Variants in GLB1L2 observed in about 807,000 individuals in gnomAD.
GLB1L2 encodes the protein galactosidase beta 1 like 2, also known as beta-galactosidase-1-like protein 2.
In GLB1L2, 68 loss-of-function variants were observed where a neutral mutation model predicts 84.1. The observed-to-expected ratio is 0.81, with a 90% confidence interval of 0.67 to 0.99. GLB1L2 has a LOEUF of 0.99. Ranked by LOEUF, GLB1L2 falls within the 50% of genes least tolerant of loss-of-function variation. The pLI, the probability that GLB1L2 is intolerant of heterozygous loss-of-function variation, is 0.00. For synonymous variants in GLB1L2, 290 were observed against 318.0 expected (o/e 0.91, Z 0.94); for missense variants, 762 against 805.6 (o/e 0.95, Z 0.66).
At chr11:134,372,031 G>A (rs912887871) in intron 15 of GLB1L2, among the ~76,000 whole-genome samples, 1 of 152,206 alleles carries the variant, frequency 6.6e-6, no homozygotes, top group Non-Finnish European at 1.5e-5. Context: ...AGCACTGCAC[G>A]CGTGCATCGT....
intron 15 of GLB1L2, chr11:134,372,468 T>G (rs1397119009): frequency 3.3e-5 from 5 of 152,114 alleles, no homozygotes; most frequent in African/African-American, 1.2e-4. Flanking sequence ...CACTGCATGC[T>G]CCACCTCCCG....
At chr11:134,367,472 GC>G in intron 9 of GLB1L2, 131 bp downstream of exon 9, 1 of 694,626 alleles carries the variant, frequency 1.4e-6, no homozygotes, top group Non-Finnish European at 2.4e-6. Context: ...GCAGAAGTTG[GC>G]TTTGGATATT....
chr11:134,336,776 A>G (rs1943393963), intron 1 of GLB1L2, among the ~76,000 whole-genome samples: 1 of 152,144 alleles, frequency 6.6e-6, no homozygotes, highest in South Asian at 2.1e-4. Context: ...TTAACATAAT[A>G]ATGTTTTTCC....
In GLB1L2 at chr11:134,344,905, G is replaced by A. The variant is rs367573039; in HGVS notation, c.354-129G>A. ...ACCGACCTGGTGTGGGAGTCCCCGC[G>A]CTTTGGGGGTGGGGCCGAGCCGTCC... On this transcript the variant is annotated intron_variant, in intron 3 of 18. Coordinates refer to ENST00000535456, the MANE Select transcript of GLB1L2 (RefSeq NM_001370461.1). 1,065 of 1,105,962 alleles carry A rather than the reference G, an allele frequency of 9.6e-4. 1 individual carries two copies. The highest frequency in any genetic ancestry group is 8.8e-3 in the East Asian group (332 of 37,778). The allele number at this position is 1,105,962 out of a possible 1,614,324, so 68.5% of individuals were successfully genotyped here.
At chr11:134,364,518 T>A in intron 8 of GLB1L2, 120 bp downstream of exon 8, 3 of 765,486 alleles carry the variant, frequency 3.9e-6, no homozygotes, top group Non-Finnish European at 6.5e-6. Context: ...GCTGATGGCC[T>A]CTGGCCCCCC....
intron 1 of GLB1L2, among the ~76,000 whole-genome samples, chr11:134,332,878 C>A (rs1943324392): frequency 6.6e-6 from 1 of 152,194 alleles, no homozygotes; most frequent in South Asian, 2.1e-4. Flanking sequence ...CTAAACTGTG[C>A]TTATTTTAAG....
Position 134,371,796 on chromosome 11 carries a change from C to T in GLB1L2, c.1473C>T (p.Val491=), listed in dbSNP as rs761610146. 4.3e-6 allele frequency: 7 copies of T among 1,614,088 alleles called. No homozygotes were observed. In the South Asian group the frequency reaches 7.7e-5, roughly 18 times the overall value. Residue 491 remains valine, a synonymous_variant, in exon 15 of 19, where the codon GTC becomes GTT. Coordinates refer to ENST00000535456, the MANE Select transcript of GLB1L2 (RefSeq NM_001370461.1). ...LRILVENRGR[V]NYGENIDDQR... is the part of the protein sequence containing the mutation. ...TCTTGGTGGAGAATCGTGGGCGAGT[C>T]AACTATGGGGAGAATATTGATGACC... is the stretch of plus-strand genomic sequence containing the variant.
Position 134,334,035 on chromosome 11 carries a change from C to G in GLB1L2, c.86+1888C>G, listed in dbSNP as rs988688465. ...CCTCCTGTCTGACTTGGGCTGGACA[C>G]CAGTGAGTATGAGTTGCTGTAATAT... On this transcript the variant is annotated intron_variant, in intron 1 of 18. Coordinates refer to ENST00000535456, the MANE Select transcript of GLB1L2 (RefSeq NM_001370461.1). This position sits in a 1 kb window ranked among gnomAD's most constrained non-coding sequence, Gnocchi z 4.1. Among the ~76,000 whole-genome samples the G allele has an allele frequency of 3.3e-5, 5 of 152,136 alleles. No homozygotes were observed. Among genetic ancestry groups the G allele is most frequent in the African/African-American group, 1.2e-4 (5 of 41,420 alleles).
At chr11:134,349,958 C>A (rs1241825053) in intron 5 of GLB1L2, among the ~76,000 whole-genome samples, 1 of 152,142 alleles carries the variant, frequency 6.6e-6, no homozygotes, top group Admixed American at 6.5e-5. Flanking sequence ...TCTGCCGGCG[C>A]CCTTTCCTAC....
In GLB1L2 at chr11:134,374,630, A is replaced by G. The variant is rs371809151; in HGVS notation, c.1736A>G (p.Asn579Ser). The G allele has an allele frequency of 5.2e-5, 84 of 1,614,034 alleles. No homozygotes were observed. Among genetic ancestry groups the G allele is most frequent in the South Asian group, 7.7e-5 (7 of 91,082 alleles). Reference sequence around the variant, plus strand: ...TGGGAGAAGGGGGTTGTATTCATCAATGGCCAGAACCTTGGACGTTACTGG... The same window carrying G: ...TGGGAGAAGGGGGTTGTATTCATCAGTGGCCAGAACCTTGGACGTTACTGG... ...EGWEKGVVFI[N>S]GQNLGRYWNI... The change falls in exon 18 of 19, where the codon AAT (asparagine) becomes AGT (serine). Residue 579 changes from asparagine (N) to serine (S), a missense_variant. Asn to Ser is a conservative substitution (Grantham distance 46). This residue lies in a region of GLB1L2 where 603 missense variants were observed against 611.7 expected (regional missense o/e 0.99). Transcript: ENST00000535456.
intron 1 of GLB1L2, 78 bp from the exon 2 acceptor site, chr11:134,342,676 G>A: frequency 1.4e-6 from 2 of 1,395,440 alleles, no homozygotes; most frequent in Non-Finnish European, 2.0e-6. Flanking sequence ...GAAATGCCGA[G>A]GACCTGCGAA....
In GLB1L2 at chr11:134,369,812, T is replaced by C. The variant is rs964811156; in HGVS notation, c.1035T>C (p.Asp345=). 6.2e-7 allele frequency: 1 copy of C among 1,612,990 alleles called. No individual in the cohort carries two copies. The highest frequency in any genetic ancestry group is 8.5e-7 in the Non-Finnish European group (1 of 1,179,022). Residue 345 remains aspartate (D), a synonymous_variant, in exon 11 of 19, where the codon GAT becomes GAC. Coordinates refer to ENST00000535456, the MANE Select transcript of GLB1L2 (RefSeq NM_001370461.1). ...GGGCCCGGTGTCTTGCAGACTATGA[T>C]GCTGTGCTGACAGAAGCCGGCGATT... The part of the protein sequence containing the change: ...YKSDVTSYDY[D]AVLTEAGDYT...
At chr11:134,368,914 T>C in intron 10 of GLB1L2, 133 bp downstream of exon 10, 1 of 908,406 alleles carries the variant, frequency 1.1e-6, no homozygotes, top group Non-Finnish European at 1.7e-6. Flanking sequence ...GAGAAGGTAC[T>C]TGCCTGGACA....
Position 134,356,413 on chromosome 11 carries a change from G to A in GLB1L2, c.651+20G>A, listed in dbSNP as rs777248280. On this transcript the variant is annotated intron_variant, in intron 6 of 18. Transcript: ENST00000535456. ...AAGAAGGTAAGAATCCTCTTAGTGC[G>A]TTTCTTTAGATTCCTTCCTCTGGAG... 34 of 1,560,040 alleles carry A rather than the reference G, an allele frequency of 2.2e-5. No homozygotes were observed. The highest frequency in any genetic ancestry group is 5.0e-5 in the Admixed American group (3 of 59,926).
chr11:134,340,918 G>C (rs996151488), intron 1 of GLB1L2, among the ~76,000 whole-genome samples: 2 of 152,174 alleles, frequency 1.3e-5, no homozygotes, highest in Non-Finnish European at 2.9e-5. Context: ...CAGATGGCAG[G>C]CTGGATTTGA....
chr11:134,367,996 C>T (rs935537936), intron 9 of GLB1L2, among the ~76,000 whole-genome samples: 3 of 152,162 alleles, frequency 2.0e-5, no homozygotes, highest in African/African-American at 7.2e-5. Flanking sequence ...TCCTCGGCAC[C>T]GTGTAGATGT....
In GLB1L2 at chr11:134,372,046, G is replaced by A. The variant is rs576500536; in HGVS notation, c.1507+216G>A. On this transcript the variant is annotated intron_variant, in intron 15 of 18. Coordinates refer to ENST00000535456, the MANE Select transcript of GLB1L2 (RefSeq NM_001370461.1). ...AGCACTGCACGCGTGCATCGTCTGC[G>A]TGCTCGTGATAAACACTGTGAACAC... Among the ~76,000 whole-genome samples, 22 of 152,296 alleles carry A rather than the reference G, an allele frequency of 1.4e-4. No individual in the cohort carries two copies. In the South Asian group the frequency reaches 2.3e-3, roughly 16 times the overall value.
In GLB1L2 at chr11:134,334,669, C is replaced by T. The variant is rs963601051; in HGVS notation, c.86+2522C>T. Among the ~76,000 whole-genome samples, 17 of 152,108 alleles carry T rather than the reference C, an allele frequency of 1.1e-4. No homozygotes were observed. Among genetic ancestry groups the T allele is most frequent in the Non-Finnish European group, 2.1e-4 (14 of 68,024 alleles). On this transcript the variant is annotated intron_variant, in intron 1 of 18. Coordinates refer to ENST00000535456, the MANE Select transcript of GLB1L2 (RefSeq NM_001370461.1). The surrounding 1 kb of genome is among the most constrained non-coding windows in gnomAD (Gnocchi z 4.1). ...CCCTCCCTCCTACTCCTCCCTGCTC[C>T]CCAGCCCCAAGCAACCACTGATCTG...
intron 7 of GLB1L2, among the ~76,000 whole-genome samples, chr11:134,362,316 C>CCCTTCCCCGGCGCTGCCCGCGTT (rs57649720): frequency 4.7e-5 from 7 of 150,280 alleles, no homozygotes; most frequent in East Asian, 2.0e-4. Flanking sequence ...TGCCCGCGTT[C>CCCTTCCCCGGCGCTGCCCGCGTT]CCTTCCCCGG....
Sources: allele counts gnomAD v4.1 joint callset (sites outside exome capture counted in the v4.1 genomes callset), GRCh38; gene constraint gnomAD v4.1.1; regional missense constraint gnomAD v4.1.1; non-coding constraint Gnocchi (gnomAD v3.1); transcripts MANE v1.5; gene names NCBI Gene and HGNC (gene_info 2026-07-23, HGNC 2026-07-21).